The following MYO1F variants were observed in gnomAD, a reference collection of about 807,000 sequenced individuals.
The protein encoded by MYO1F is unconventional myosin-If.
A neutral mutation model predicts 146.6 loss-of-function variants in MYO1F; 60 were observed. That is an observed-to-expected ratio of 0.41 (90% CI 0.33 to 0.51). MYO1F has a LOEUF of 0.51. Among genes scored for constraint, MYO1F ranks in the 20% least tolerant of loss-of-function variants. MYO1F has a pLI of 0.25. For synonymous variants in MYO1F, 602 were observed against 602.1 expected (o/e 1.00, Z 0.00); for missense variants, 1,274 against 1,534.3 (o/e 0.83, Z 2.83).
At chr19:8,539,251 C>T (rs752355623) in intron 16 of MYO1F, among the ~76,000 whole-genome samples, 1 of 151,916 alleles carries the variant, frequency 6.6e-6, no homozygotes, top group African/African-American at 2.4e-5. Flanking sequence ...CCTGTCTCTA[C>T]TGAAAATACA....
chr19:8,521,669 C>T lies in MYO1F; in HGVS notation c.3221-65G>A. 2.7e-6 allele frequency: 4 copies of T among 1,480,416 alleles called. No homozygotes were observed. In the Admixed American group the frequency reaches 5.1e-5, roughly 19 times the overall value. 91.7% of individuals were successfully genotyped at this position (1,480,416 alleles called of 1,614,324 possible). A position where few individuals can be genotyped will look rare whatever the true frequency, so the allele number is the denominator to read the frequency against. ...CCTGGAGAAAGCTCTCATGCCTGGTCTGTCCATCTTGTTCATGGGGACTCC... is the reference window on the plus strand; with the variant it reads ...CCTGGAGAAAGCTCTCATGCCTGGTTTGTCCATCTTGTTCATGGGGACTCC... On this transcript the variant is annotated intron_variant, in intron 27 of 27. Coordinates refer to ENST00000644032, the MANE Select transcript of MYO1F (RefSeq NM_012335.4).
At chr19:8,527,767 C>T (rs570968144) in intron 21 of MYO1F, among the ~76,000 whole-genome samples, 11 of 152,314 alleles carry the variant, frequency 7.2e-5, no homozygotes, top group African/African-American at 2.6e-4. Flanking sequence ...TGCGCACCAC[C>T]ATGCCCAGCT....
In MYO1F at chr19:8,536,311, T is replaced by A; in HGVS notation, c.1984A>T (p.Met662Leu). 6.2e-7 allele frequency: 1 copy of A among 1,608,314 alleles called. No individual in the cohort carries two copies. Among genetic ancestry groups the A allele is most frequent in the South Asian group, 1.1e-5 (1 of 91,070 alleles). ...CCCATCTGGTACTGGTCGGGCTCCA[T>A]GTTGACCGCCCGAAGCAGGTGCTGG... ...GVQHLLRAVNMEPDQYQMGST... is the reference protein window; with the variant it reads ...GVQHLLRAVNLEPDQYQMGST... Residue 662 changes from methionine (M) to leucine (L), a missense_variant, in exon 19 of 28, where the codon ATG (methionine) becomes TTG (leucine). This residue lies in a region of MYO1F where 900 missense variants were observed against 1,155.1 expected (regional missense o/e 0.78). Coordinates refer to ENST00000644032, the MANE Select transcript of MYO1F (RefSeq NM_012335.4).
chr19:8,565,195 C>T (rs921394788), intron 1 of MYO1F, among the ~76,000 whole-genome samples: 6 of 151,998 alleles, frequency 3.9e-5, no homozygotes, highest in African/African-American at 1.4e-4. Context: ...CCACGCCTGG[C>T]TCATTTCATT....
Position 8,527,454 on chromosome 19 carries a change from G to T in MYO1F, c.2358C>A (p.Pro786=). The T allele has an allele frequency of 6.2e-7, 1 of 1,614,026 alleles. No individual in the cohort carries two copies. The highest frequency in any genetic ancestry group is 8.5e-7 in the Non-Finnish European group (1 of 1,180,004). Residue 786 remains proline, a synonymous_variant, in exon 22 of 28, where the codon CCC becomes CCA. Coordinates refer to ENST00000644032, the MANE Select transcript of MYO1F (RefSeq NM_012335.4). ...KPIKRDLILT[P]KCVYVIGREK... is the part of the protein sequence containing the mutation. ...CTCGCCCAATCACATACACACACTT[G>T]GGCGTCAGGATCAAGTCCCGCTTGA... is the stretch of plus-strand genomic sequence containing the variant.
chr19:8,554,358 A>G (rs1424877850), intron 4 of MYO1F, 119 bp downstream of exon 4: 7 of 835,614 alleles, frequency 8.4e-6, no homozygotes, highest in Non-Finnish European at 1.5e-5. Flanking sequence ...GAGTGAGGGC[A>G]GAGAGGGACA....
At chr19:8,555,866 C>A in intron 1 of MYO1F, 70 bp from the exon 2 acceptor site, 1 of 1,490,068 alleles carries the variant, frequency 6.7e-7, no homozygotes, top group African/African-American at 1.4e-5. Context: ...CCGACGCTAT[C>A]AGCTTCTGGG....
rs185514510 is a variant in MYO1F, at chr19:8,567,266, C to A, written c.3+10041G>T. Among the ~76,000 whole-genome samples, 1,058 of 151,606 alleles carry A rather than the reference C, an allele frequency of 7.0e-3. 40 individuals carry two copies. The highest frequency in any genetic ancestry group is 2.2e-3 in the Non-Finnish European group (150 of 67,876). On this transcript the variant is annotated intron_variant, in intron 1 of 27. Transcript: ENST00000644032. ...TTTTTAGTAGAGATGGGGGTTTCACCATCTTGGCCAGGCTGGTCTTGAACT... is the reference window on the plus strand; with the variant it reads ...TTTTTAGTAGAGATGGGGGTTTCACAATCTTGGCCAGGCTGGTCTTGAACT...
intron 23 of MYO1F, 81 bp downstream of exon 23, chr19:8,526,708 T>G (rs1972284450): frequency 6.5e-7 from 1 of 1,533,558 alleles, no homozygotes; most frequent in Non-Finnish European, 8.8e-7. Context: ...CGAAGCGCAG[T>G]TCGGCCGGGT....
At chr19:8,526,085 T>C (rs1972253577) in intron 24 of MYO1F, among the ~76,000 whole-genome samples, 2 of 152,138 alleles carry the variant, frequency 1.3e-5, no homozygotes, top group Admixed American at 1.3e-4. Context: ...TCCCAGCACT[T>C]TGGGAGGCCG....
chr19:8,534,604 C>A (rs1023224918), intron 19 of MYO1F, among the ~76,000 whole-genome samples: 6 of 151,524 alleles, frequency 4.0e-5, no homozygotes, highest in Admixed American at 1.3e-4. Flanking sequence ...CCGTGCCTGG[C>A]CTTTTCTTCT....
At position 8,525,485 on chromosome 19, in the gene MYO1F, G is replaced by C. The variant is rs761880127; in HGVS notation, c.2848C>G (p.Pro950Ala). 29 of 1,612,936 alleles carry C rather than the reference G, an allele frequency of 1.8e-5. 1 individual carries two copies. In the South Asian group the frequency reaches 2.9e-4, roughly 16 times the overall value. Residue 950 changes from proline (P) to alanine (A), a missense_variant, in exon 25 of 28, where the codon CCC becomes GCC. Around this residue, in one of 2 missense-constraint regions of MYO1F, gnomAD observed 374 missense variants for 379.2 expected, o/e 0.99. Transcript: ENST00000644032. ...QAPTRAAPAP[P>A]RGMDRNGVPP... ...AAGGGACGCAGCTCCTCACCTCTGG[G>C]GGGCGCAGGGGCCGCCCGGGTAGGG...
chr19:8,533,357 CTTT>C (rs762061787), intron 19 of MYO1F, among the ~76,000 whole-genome samples: 10 of 115,176 alleles, frequency 8.7e-5, no homozygotes, highest in African/African-American at 1.1e-4. Flanking sequence ...TCTTCTTCTT[CTTT>C]TTTTTTTTTT....
intron 19 of MYO1F, among the ~76,000 whole-genome samples, chr19:8,532,232 T>C (rs1972516508): frequency 6.6e-6 from 1 of 151,790 alleles, no homozygotes; most frequent in Non-Finnish European, 1.5e-5. Flanking sequence ...TTGGGCAGTG[T>C]ACAACCTGCA....
At chr19:8,525,840 A>G (rs1972245322) in intron 24 of MYO1F, among the ~76,000 whole-genome samples, 1 of 152,048 alleles carries the variant, frequency 6.6e-6, no homozygotes, top group African/African-American at 2.4e-5. Context: ...GCACCCCTCT[A>G]CATTTCTCGC....
intron 2 of MYO1F, 145 bp downstream of exon 2, chr19:8,555,514 T>A: frequency 1.8e-6 from 2 of 1,112,090 alleles, no homozygotes; most frequent in Non-Finnish European, 2.6e-6. Flanking sequence ...ACCAGAGCCC[T>A]GCTGTCACTC....
At chr19:8,523,586 A>T (rs1012395959) in intron 25 of MYO1F, among the ~76,000 whole-genome samples, 2 of 151,536 alleles carry the variant, frequency 1.3e-5, no homozygotes, top group African/African-American at 4.9e-5. Context: ...CCTGGCCTCA[A>T]GCAATCCTCC....
intron 1 of MYO1F, among the ~76,000 whole-genome samples, chr19:8,562,943 G>C (rs918997072): frequency 6.6e-6 from 1 of 151,984 alleles, no homozygotes; most frequent in African/African-American, 2.4e-5. Flanking sequence ...AGCACCTGGT[G>C]GCTCTCCTGG....
chr19:8,566,677 G>A (rs2042010573), intron 1 of MYO1F, among the ~76,000 whole-genome samples: 1 of 150,356 alleles, frequency 6.7e-6, no homozygotes, highest in Non-Finnish European at 1.5e-5. Context: ...CCATGCCCAG[G>A]TAATATTTGT....
Sources: allele counts gnomAD v4.1 joint callset (sites outside exome capture counted in the v4.1 genomes callset), GRCh38; gene constraint gnomAD v4.1.1; regional missense constraint gnomAD v4.1.1; transcripts MANE v1.5; gene names NCBI Gene and HGNC (gene_info 2026-07-23, HGNC 2026-07-21).